Variants in TMEM108 observed in about 807,000 individuals in gnomAD.
TMEM108 encodes the protein cancer/testis antigen 124.
In TMEM108, 12 loss-of-function variants were observed where a neutral mutation model predicts 35.1. The ratio of observed to expected loss-of-function variants is 0.34; its 90% confidence interval spans 0.22 to 0.55. The LOEUF (loss-of-function observed/expected upper bound fraction) is 0.55, where lower values mean the gene tolerates loss of function less well. TMEM108 is among the 20% of genes least tolerant of loss of function. The probability of loss-of-function intolerance (pLI) is 0.89; values close to 1 mark genes in which losing one functional copy is unlikely to be tolerated. For synonymous variants in TMEM108, 287 were observed against 308.6 expected, an observed-to-expected ratio of 0.93 and a Z score of 0.73; for missense variants, 680 against 753.3, an observed-to-expected ratio of 0.90 and a Z score of 1.14.
chr3:133,227,211 T>TTTG (rs1946085515), intron 2 of TMEM108, among the ~76,000 whole-genome samples: 1 of 66,602 alleles, frequency 1.5e-5, no homozygotes, highest in African/African-American at 6.4e-5. Context: ...TTTTTTTTTT[T>TTTG]TGAGACAGAG....
intron 3 of TMEM108, among the ~76,000 whole-genome samples, chr3:133,274,870 T>A (rs1399963574): frequency 6.6e-6 from 1 of 152,196 alleles, no homozygotes; most frequent in Non-Finnish European, 1.5e-5. Flanking sequence ...TTTCTACACC[T>A]GAGCCATTGC....
chr3:133,316,955 C>A (rs1224019060), intron 3 of TMEM108, among the ~76,000 whole-genome samples: 1 of 152,188 alleles, frequency 6.6e-6, no homozygotes, highest in Non-Finnish European at 1.5e-5. Context: ...GGAGAAAATT[C>A]CCTCTGTAAG....
intron 2 of TMEM108, among the ~76,000 whole-genome samples, chr3:133,152,024 T>A (rs1200246034): frequency 6.6e-6 from 1 of 152,144 alleles, no homozygotes; most frequent in Admixed American, 6.6e-5. Context: ...GGTGATGACG[T>A]ATTTATTTGT....
intron 2 of TMEM108, among the ~76,000 whole-genome samples, chr3:133,168,935 T>C (rs1945086525): frequency 6.6e-6 from 1 of 151,780 alleles, no homozygotes; most frequent in South Asian, 2.1e-4. Context: ...CACGTGAAGG[T>C]CTGCAGCTTC....
chr3:133,162,236 C>A (rs1944971871), intron 2 of TMEM108, among the ~76,000 whole-genome samples: 1 of 151,872 alleles, frequency 6.6e-6, no homozygotes, highest in South Asian at 2.1e-4. Context: ...AGAAGGAGAT[C>A]TCTACTATCA....
chr3:133,258,442 C>T (rs1321742203), intron 3 of TMEM108, among the ~76,000 whole-genome samples: 17 of 152,324 alleles, frequency 1.1e-4, no homozygotes, highest in Non-Finnish European at 7.4e-5. Flanking sequence ...TGAAAGGAGC[C>T]AGCTGCCCAC....
chr3:133,165,062 G>A lies in TMEM108; in HGVS notation c.-46-64204G>A, dbSNP rs529985060. 7.9e-5 allele frequency among the ~76,000 whole-genome samples: 12 copies of A among 152,276 alleles called. No individual in the cohort carries two copies. The South Asian group carries it at 2.5e-3, about 32-fold the overall frequency. ...TTATTAAAAATAAATTATATGAAAT[G>A]CCATTTGATTCTCTTAGAAGCTATT... is the stretch of plus-strand genomic sequence containing the variant. On this transcript the variant is annotated intron_variant, in intron 2 of 5. Transcript: ENST00000321871.
intron 3 of TMEM108, among the ~76,000 whole-genome samples, chr3:133,339,426 C>T (rs769755295): frequency 6.6e-6 from 1 of 151,800 alleles, no homozygotes; most frequent in Admixed American, 6.6e-5. Flanking sequence ...AATATATATA[C>T]ACCCAACACT....
At chr3:133,207,099 A>T (rs78782442) in intron 2 of TMEM108, among the ~76,000 whole-genome samples, 20,276 of 152,120 alleles carry the variant, frequency 0.13, 1,770 homozygotes, top group East Asian at 0.39. Context: ...CTTTGTTTAC[A>T]ATGTGAGGGG....
intron 2 of TMEM108, among the ~76,000 whole-genome samples, chr3:133,136,389 A>G (rs1218480234): frequency 6.6e-6 from 1 of 152,212 alleles, no homozygotes; most frequent in African/African-American, 2.4e-5. Context: ...TTAGAAAAGT[A>G]TTTGCAGGGC....
At chr3:133,209,880 C>G (rs919276463) in intron 2 of TMEM108, among the ~76,000 whole-genome samples, 1 of 152,058 alleles carries the variant, frequency 6.6e-6, no homozygotes, top group South Asian at 2.1e-4. Context: ...TTCCCTGAAC[C>G]TCATCTCTCT....
chr3:133,107,424 C>T (rs1215398438), intron 2 of TMEM108, among the ~76,000 whole-genome samples: 3 of 150,560 alleles, frequency 2.0e-5, no homozygotes, highest in African/African-American at 7.4e-5. Flanking sequence ...CGAGGCAAAT[C>T]TGTGGGTTAC....
At chr3:133,192,478 A>AG (rs1945513348) in intron 2 of TMEM108, among the ~76,000 whole-genome samples, 1 of 152,038 alleles carries the variant, frequency 6.6e-6, no homozygotes. Flanking sequence ...TGTGGAGCCT[A>AG]GGATAGGCAG....
rs369709155 is a variant in TMEM108, at chr3:133,144,370, C to A, written c.-46-84896C>A. Among the ~76,000 whole-genome samples the A allele has an allele frequency of 5.9e-5, 9 of 152,262 alleles. No individual in the cohort carries two copies. The South Asian group carries it at 1.9e-3, about 32-fold the overall frequency. ...GCCACATTTTCTTTATCCAGTCTAT[C>A]ATTGAGGGGCATTTGGGTTGGTTCC... On this transcript the variant is annotated intron_variant, in intron 2 of 5. Transcript: ENST00000321871.
At chr3:133,234,298 ATC>A (rs1398376973) in intron 3 of TMEM108, among the ~76,000 whole-genome samples, 1 of 152,178 alleles carries the variant, frequency 6.6e-6, no homozygotes, top group Non-Finnish European at 1.5e-5. Flanking sequence ...TAAATAGGGA[ATC>A]TCTGAATTTT....
intron 2 of TMEM108, among the ~76,000 whole-genome samples, chr3:133,083,839 C>G (rs1220058019): frequency 1.3e-5 from 2 of 151,692 alleles, no homozygotes; most frequent in African/African-American, 2.4e-5. Context: ...TATTGTTTTC[C>G]CCTTTCTCCT....
rs564642501 is a variant in TMEM108 at position 133,167,268 on chromosome 3, A to G, written c.-46-61998A>G. Among the ~76,000 whole-genome samples, 5 of 152,328 alleles carry G rather than the reference A, an allele frequency of 3.3e-5. No individual in the cohort carries two copies. The East Asian group carries it at 9.7e-4, about 29-fold the overall frequency. On this transcript the variant is annotated intron_variant, in intron 2 of 5. Transcript: ENST00000321871. The stretch of plus-strand genomic sequence containing the variant: ...TTGGTGCATATACAATCCTCCAGCT[A>G]GACAATCCTCCAGCTAGACATAAAA...
Position 133,381,179 on chromosome 3 carries a change from C to T in TMEM108, c.1450+18C>T. ...CTCCTGCTGTAAGTGCCGCCCTCTC[C>T]CACCCATCCTCTCCCTCTACCACAT... On this transcript the variant is annotated intron_variant, in intron 4 of 5. Coordinates refer to ENST00000321871, the MANE Select transcript of TMEM108 (RefSeq NM_023943.4). The T allele has an allele frequency of 6.4e-7, 1 of 1,571,536 alleles. No homozygotes were observed. The highest frequency in any genetic ancestry group is 2.3e-5 in the East Asian group (1 of 44,318).
At chr3:133,379,187 C>T (rs548265426) in intron 3 of TMEM108, among the ~76,000 whole-genome samples, 4 of 152,286 alleles carry the variant, frequency 2.6e-5, no homozygotes, top group Admixed American at 1.3e-4. Context: ...AATTGTTTGG[C>T]GAATGGTCCT....
Sources: gnomAD v4.1 joint callset for allele counts (sites outside exome capture counted in the v4.1 genomes callset) on GRCh38, gnomAD v4.1.1 for gene constraint, MANE v1.5 for transcripts, NCBI Gene and HGNC (gene_info 2026-07-23, HGNC 2026-07-21) for gene names.